SLCO2A1: variants seen among roughly 807,000 people sequenced by gnomAD.
The protein encoded by SLCO2A1 is matrin F/G 1.
Under a neutral mutation model 71.7 loss-of-function variants are expected in SLCO2A1, and 60 were observed. The observed-to-expected ratio is 0.84, with a 90% CI of 0.68 to 1.04. The LOEUF (loss-of-function observed/expected upper bound fraction) is 1.04, where lower values mean the gene tolerates loss of function less well. SLCO2A1 is among the 50% of genes least tolerant of loss of function. SLCO2A1 has a pLI of 0.00. For synonymous variants in SLCO2A1, 308 were observed against 326.7 expected (o/e 0.94, Z 0.62); for missense variants, 745 against 813.4 (o/e 0.92, Z 1.02).
At chr3:133,999,640 G>C (rs893360369) in intron 1 of SLCO2A1, among the ~76,000 whole-genome samples, 81 of 152,294 alleles carry the variant, frequency 5.3e-4, no homozygotes, top group Non-Finnish European at 9.0e-4. Flanking sequence ...GATGAGGAGA[G>C]ATCCCTGGAA....
At chr3:133,969,529 A>G (rs985986909) in intron 3 of SLCO2A1, among the ~76,000 whole-genome samples, 5 of 151,818 alleles carry the variant, frequency 3.3e-5, no homozygotes, top group African/African-American at 7.3e-5. Context: ...TGGGACTACA[A>G]GCATGTGCCA....
At chr3:133,992,731 T>A (rs371794830) in intron 1 of SLCO2A1, among the ~76,000 whole-genome samples, 3 of 152,190 alleles carry the variant, frequency 2.0e-5, no homozygotes, top group Admixed American at 6.5e-5. Flanking sequence ...AGTTTGACAG[T>A]GTAGCTTCAG....
In SLCO2A1 at chr3:133,967,355, C is replaced by T. The variant is rs1015468356; in HGVS notation, c.397+6308G>A. Among the ~76,000 whole-genome samples the T allele has an allele frequency of 1.7e-4, 26 of 152,320 alleles. 1 individual carries two copies. Among genetic ancestry groups the T allele is most frequent in the African/African-American group, 5.3e-4 (22 of 41,554 alleles). On this transcript the variant is annotated intron_variant, in intron 3 of 13. Coordinates refer to ENST00000310926, the MANE Select transcript of SLCO2A1 (RefSeq NM_005630.3). ...CAGAGAGTCAGCTACTTTTATGTCA[C>T]GGCTCAGGCTCAGGCCCTCAGAGAG...
chr3:133,939,962 CTTTTTTT>C (rs752743899), intron 11 of SLCO2A1, among the ~76,000 whole-genome samples: 2 of 106,354 alleles, frequency 1.9e-5, no homozygotes, highest in Non-Finnish European at 3.8e-5. Flanking sequence ...ACAAAGTCAT[CTTTTTTT>C]TTTTTTTTTT....
chr3:134,029,553 C>A (rs1211993511), intron 1 of SLCO2A1, among the ~76,000 whole-genome samples, 154 bp downstream of exon 1: 1 of 152,110 alleles, frequency 6.6e-6, no homozygotes, highest in Non-Finnish European at 1.5e-5. Context: ...CACACACGCC[C>A]AGCACGCGTC....
At chr3:133,982,635 C>T (rs905302287) in intron 1 of SLCO2A1, among the ~76,000 whole-genome samples, 5 of 152,120 alleles carry the variant, frequency 3.3e-5, no homozygotes, top group Admixed American at 1.3e-4. Context: ...CTGGTGTTTG[C>T]CCCATCCCTC....
chr3:133,961,978 G>A (rs1382977871), intron 3 of SLCO2A1, among the ~76,000 whole-genome samples: 1 of 152,262 alleles, frequency 6.6e-6, no homozygotes, highest in Non-Finnish European at 1.5e-5. Flanking sequence ...CAGATGTAGT[G>A]TGGGCTTCCC....
At chr3:134,024,356 A>T (rs1448483993) in intron 1 of SLCO2A1, among the ~76,000 whole-genome samples, 1 of 152,268 alleles carries the variant, frequency 6.6e-6, no homozygotes, top group Non-Finnish European at 1.5e-5. Context: ...GAAATCAAAT[A>T]GCTGCAGGAT....
intron 1 of SLCO2A1, among the ~76,000 whole-genome samples, chr3:133,998,487 T>TC (rs141947785): frequency 0.038 from 5,759 of 152,222 alleles, 373 homozygotes; most frequent in African/African-American, 0.13. Context: ...TCCCAGGCGC[T>TC]CCTGTCCACA....
intron 1 of SLCO2A1, among the ~76,000 whole-genome samples, chr3:133,996,645 G>A (rs986099226): frequency 6.6e-6 from 1 of 152,162 alleles, no homozygotes; most frequent in Non-Finnish European, 1.5e-5. Context: ...GGTCACCCTG[G>A]CATTCCCCTG....
chr3:134,000,866 A>G (rs1935091205), intron 1 of SLCO2A1, among the ~76,000 whole-genome samples: 1 of 152,240 alleles, frequency 6.6e-6, no homozygotes, highest in Non-Finnish European at 1.5e-5. Context: ...CCCTGAGACC[A>G]GAGCTTTGTG....
chr3:133,948,080 G>A (rs1278875909), intron 8 of SLCO2A1, among the ~76,000 whole-genome samples: 1 of 152,194 alleles, frequency 6.6e-6, no homozygotes, highest in Non-Finnish European at 1.5e-5. Flanking sequence ...GTTTTGTAAA[G>A]CTCTCCAGAG....
At chr3:133,949,104 G>A in intron 6 of SLCO2A1, 133 bp from the exon 7 acceptor site, 1 of 693,812 alleles carries the variant, frequency 1.4e-6, no homozygotes, top group Non-Finnish European at 2.5e-6. Flanking sequence ...TGTGTGCATG[G>A]GAGGGCATCC....
intron 3 of SLCO2A1, among the ~76,000 whole-genome samples, chr3:133,960,365 C>G (rs1209623322): frequency 6.6e-6 from 1 of 152,132 alleles, no homozygotes; most frequent in Non-Finnish European, 1.5e-5. Flanking sequence ...GAATATTATA[C>G]AGCTGTAAAA....
At chr3:133,940,706 A>G (rs567543681) in intron 11 of SLCO2A1, among the ~76,000 whole-genome samples, 1 of 152,344 alleles carries the variant, frequency 6.6e-6, no homozygotes, top group East Asian at 1.9e-4. Context: ...TTGAATGCGC[A>G]GGATGGGGAG....
At chr3:133,963,468 C>T (rs895757529) in intron 3 of SLCO2A1, among the ~76,000 whole-genome samples, 2 of 152,186 alleles carry the variant, frequency 1.3e-5, no homozygotes, top group Non-Finnish European at 2.9e-5. Context: ...AAGAGAAGGC[C>T]ATGGCAAGAG....
intron 3 of SLCO2A1, among the ~76,000 whole-genome samples, chr3:133,965,025 G>T (rs560111430): frequency 3.5e-4 from 53 of 152,298 alleles, no homozygotes; most frequent in African/African-American, 1.2e-3. Context: ...AACATGCAAA[G>T]AAATGTGAGC....
Position 133,965,572 on chromosome 3 carries a change from C to A in SLCO2A1, c.397+8091G>T, listed in dbSNP as rs115518561. Among the ~76,000 whole-genome samples, 1,486 of 152,258 alleles carry A rather than the reference C, an allele frequency of 9.8e-3. 18 individuals are homozygous for A. The highest frequency in any genetic ancestry group is 0.034 in the African/African-American group (1,401 of 41,528). ...GGGACCCCAACCAAGGAGAATGATT[C>A]CTACAGGGAGAAAATATGAAGCTTG... On this transcript the variant is annotated intron_variant, in intron 3 of 13. Transcript: ENST00000310926.
At chr3:134,021,930 T>A (rs1935588384) in intron 1 of SLCO2A1, among the ~76,000 whole-genome samples, 1 of 151,166 alleles carries the variant, frequency 6.6e-6, no homozygotes, top group African/African-American at 2.4e-5. Context: ...CTTAACCCAG[T>A]AACCCGCAGA....
Sources: allele counts gnomAD v4.1 joint callset (sites outside exome capture counted in the v4.1 genomes callset), GRCh38; gene constraint gnomAD v4.1.1; transcripts MANE v1.5; gene names NCBI Gene and HGNC (gene_info 2026-07-23, HGNC 2026-07-21).